The following NYAP2 variants were observed in gnomAD, a reference collection of about 807,000 sequenced individuals.
The protein encoded by NYAP2 is neuronal tyrosine-phosphorylated phosphoinositide-3-kinase adapter 2.
A neutral mutation model predicts 50.4 loss-of-function variants in NYAP2; 23 were observed. The ratio of observed to expected loss-of-function variants is 0.46; its 90% CI spans 0.33 to 0.65. The LOEUF (loss-of-function observed/expected upper bound fraction) is 0.65, where lower values mean the gene tolerates loss of function less well. Ranked by LOEUF, NYAP2 falls within the 30% of genes least tolerant of loss-of-function variation. The probability of loss-of-function intolerance (pLI) is 0.02; values close to 1 mark genes in which losing one functional copy is unlikely to be tolerated. For synonymous variants in NYAP2, 394 were observed against 365.2 expected (o/e 1.08, Z -0.90); for missense variants, 885 against 861.0 (o/e 1.03, Z -0.35).
At chr2:225,522,267 C>G (rs1034515758) in intron 4 of NYAP2, among the ~76,000 whole-genome samples, 4 of 152,114 alleles carry the variant, frequency 2.6e-5, no homozygotes, top group African/African-American at 4.8e-5. Flanking sequence ...TTGTTATGAA[C>G]TCTTCCTCAA....
chr2:225,497,590 C>T (rs2106175255), intron 3 of NYAP2, among the ~76,000 whole-genome samples: 1 of 152,276 alleles, frequency 6.6e-6, no homozygotes, highest in Admixed American at 6.5e-5. Context: ...ATGAATAAAA[C>T]CTGACCTGGG....
At chr2:225,566,678 T>C (rs1336705505) in intron 4 of NYAP2, among the ~76,000 whole-genome samples, 1 of 152,232 alleles carries the variant, frequency 6.6e-6, no homozygotes, top group Non-Finnish European at 1.5e-5. Context: ...ATTCTGCAAG[T>C]GATAGCTACA....
At chr2:225,657,102 CTTTTTTTTT>C (rs375126014), downstream of NYAP2, among the ~76,000 whole-genome samples, 9,906 of 101,322 alleles carry the variant, frequency 0.098, 495 homozygotes, top group East Asian at 0.29. Flanking sequence ...AATCTAATTC[CTTTTTTTTT>C]TTTTTTTTTT....
At chr2:225,535,257 T>C (rs911046374) in intron 4 of NYAP2, among the ~76,000 whole-genome samples, 19 of 152,266 alleles carry the variant, frequency 1.2e-4, no homozygotes, top group African/African-American at 4.3e-4. Flanking sequence ...GGACAAAACT[T>C]AACACTGGGC....
At chr2:225,642,294 C>A (rs1055773635) in intron 6 of NYAP2, among the ~76,000 whole-genome samples, 1 of 151,976 alleles carries the variant, frequency 6.6e-6, no homozygotes, top group Admixed American at 6.6e-5. Context: ...TTATTATAAG[C>A]AGGGAAGCTA....
intron 6 of NYAP2, among the ~76,000 whole-genome samples, chr2:225,634,111 G>A (rs1321750568): frequency 2.0e-5 from 3 of 152,176 alleles, no homozygotes; most frequent in East Asian, 1.9e-4. Context: ...GATGGCCAGG[G>A]AAGGAAGGGG....
At chr2:225,519,384 T>C (rs1485814742) in intron 4 of NYAP2, among the ~76,000 whole-genome samples, 1 of 151,302 alleles carries the variant, frequency 6.6e-6, no homozygotes, top group Non-Finnish European at 1.5e-5. Context: ...AACTCATCAT[T>C]TAGCATTAGG....
exon 1 of NYAP2, chr2:225,399,821 A>G (rs1694827675): frequency 6.6e-6 from 1 of 152,078 alleles, no homozygotes; most frequent in Non-Finnish European, 1.5e-5. Context: ...GTTCATTTTC[A>G]TTAGCCACGC....
chr2:225,426,134 C>G (rs28633130), intron 3 of NYAP2, among the ~76,000 whole-genome samples: 2,062 of 71,966 alleles, frequency 0.029, 51 homozygotes, highest in African/African-American at 0.13. Flanking sequence ...CTTTCTTTCT[C>G]TTTTCTTTTT....
the NYAP2 span, among the ~76,000 whole-genome samples, chr2:225,663,355 G>A: frequency 2.6e-5 from 4 of 152,116 alleles, no homozygotes; most frequent in South Asian, 8.3e-4. Context: ...CAGCAAAAGA[G>A]TGATTGTAGT....
At chr2:225,537,375 G>A (rs987699383) in intron 4 of NYAP2, among the ~76,000 whole-genome samples, 1 of 152,062 alleles carries the variant, frequency 6.6e-6, no homozygotes, top group Non-Finnish European at 1.5e-5. Context: ...CCGAGACTGG[G>A]CAATTTATAA....
intron 3 of NYAP2, among the ~76,000 whole-genome samples, chr2:225,456,125 A>G (rs1234389255): frequency 6.6e-6 from 1 of 152,210 alleles, no homozygotes; most frequent in Non-Finnish European, 1.5e-5. Context: ...TTTGTCACAC[A>G]TTACATTTGC....
At chr2:225,614,586 A>G (rs896071231) in intron 5 of NYAP2, among the ~76,000 whole-genome samples, 10 of 152,200 alleles carry the variant, frequency 6.6e-5, no homozygotes, top group Non-Finnish European at 1.0e-4. Context: ...AGCATCACAT[A>G]TTGGATTTTT....
At chr2:225,614,293 A>T (rs1020408939) in intron 5 of NYAP2, among the ~76,000 whole-genome samples, 2 of 152,214 alleles carry the variant, frequency 1.3e-5, no homozygotes, top group Non-Finnish European at 2.9e-5. Context: ...ATTTATGAAC[A>T]TTTTAAAATA....
chr2:225,649,087 T>A (rs1439946215), intron 6 of NYAP2, among the ~76,000 whole-genome samples: 1 of 152,156 alleles, frequency 6.6e-6, no homozygotes, highest in Admixed American at 6.6e-5. Context: ...CACGTACTTG[T>A]GCAAGTGCGT....
the NYAP2 span, among the ~76,000 whole-genome samples, chr2:225,693,922 G>T: frequency 6.6e-6 from 1 of 152,000 alleles, no homozygotes; most frequent in Non-Finnish European, 1.5e-5. Flanking sequence ...AAAAGGGGTG[G>T]AGATTGAAAT....
chr2:225,547,685 A>G (rs1691608029), intron 4 of NYAP2, among the ~76,000 whole-genome samples: 1 of 152,108 alleles, frequency 6.6e-6, no homozygotes, highest in Non-Finnish European at 1.5e-5. Flanking sequence ...CTGCTGGGGG[A>G]TGGGGAAGAA....
chr2:225,624,923 A>C (rs1315176206), intron 5 of NYAP2, among the ~76,000 whole-genome samples: 1 of 151,964 alleles, frequency 6.6e-6, no homozygotes, highest in Admixed American at 6.6e-5. Flanking sequence ...CCTGACCCGG[A>C]CTGCTCAATA....
chr2:225,629,990 C>T (rs771991467), intron 6 of NYAP2, among the ~76,000 whole-genome samples: 12 of 152,224 alleles, frequency 7.9e-5, no homozygotes, highest in African/African-American at 1.9e-4. Context: ...CAGTAATAAT[C>T]GGGAACTTTT....
Sources: allele counts gnomAD v4.1 joint callset (sites outside exome capture counted in the v4.1 genomes callset), GRCh38; gene constraint gnomAD v4.1.1; transcripts MANE v1.5; gene names NCBI Gene and HGNC (gene_info 2026-07-23, HGNC 2026-07-21).